Variants in RANBP2 observed in about 807,000 individuals in gnomAD.
RANBP2 encodes E3 SUMO-protein ligase RanBP2.
RANBP2 carries 57 observed loss-of-function variants against 303.6 expected under a neutral mutation model. That is an observed-to-expected ratio of 0.19 (90% CI 0.15 to 0.23). The LOEUF is 0.23. Among genes scored for constraint, RANBP2 ranks in the 10% least tolerant of loss-of-function variants. RANBP2 has a pLI of 1.00. For synonymous variants in RANBP2, 1,167 were observed against 1,301.5 expected (o/e 0.90, Z 2.23); for missense variants, 3,138 against 3,780.8 (o/e 0.83, Z 4.46).
intron 20 of RANBP2, 37 bp from the exon 21 acceptor site, chr2:108,771,664 A>C (rs1251130056): frequency 1.2e-6 from 2 of 1,606,630 alleles, no homozygotes; most frequent in East Asian, 4.5e-5. Context: ...AATACTTAAT[A>C]CCTTATCTTT....
At chr2:108,780,584 C>T (rs1223016824) in intron 25 of RANBP2, among the ~76,000 whole-genome samples, 1 of 150,586 alleles carries the variant, frequency 6.6e-6, no homozygotes, top group East Asian at 2.0e-4. Flanking sequence ...GGCTGGAGTG[C>T]AGTGGGGCAA....
the RANBP2 span, among the ~76,000 whole-genome samples, chr2:109,352,525 C>T: frequency 6.6e-6 from 1 of 152,202 alleles, no homozygotes; most frequent in Non-Finnish European, 1.5e-5. Flanking sequence ...ATTGGGATGA[C>T]TTTGGGGGCC....
the RANBP2 span, chr2:109,613,941 T>C: frequency 8.2e-7 from 1 of 1,216,610 alleles, no homozygotes; most frequent in Non-Finnish European, 1.0e-6. Context: ...GGCGCGAGGC[T>C]AGGCTGCCTC....
chr2:109,282,142 C>G, the RANBP2 span, among the ~76,000 whole-genome samples: 1 of 152,076 alleles, frequency 6.6e-6, no homozygotes, highest in African/African-American at 2.4e-5. Context: ...CCCTAAGGAG[C>G]AGTTTCTGAT....
the RANBP2 span, among the ~76,000 whole-genome samples, chr2:108,840,402 C>CT: frequency 2.6e-5 from 4 of 152,092 alleles, no homozygotes; most frequent in Non-Finnish European, 5.9e-5. Flanking sequence ...ATTATGTAGA[C>CT]TAAGTGTTCA....
chr2:108,985,655 T>G, the RANBP2 span, among the ~76,000 whole-genome samples: 1,078 of 152,336 alleles, frequency 7.1e-3, 9 homozygotes, highest in South Asian at 0.028. Context: ...TGCTCCTTCC[T>G]GGGGTCCAAA....
the RANBP2 span, among the ~76,000 whole-genome samples, chr2:109,321,109 A>G: frequency 6.6e-6 from 1 of 152,260 alleles, no homozygotes; most frequent in Admixed American, 6.5e-5. Flanking sequence ...AGTAGTATTC[A>G]TGGAAGAAAG....
At chr2:108,864,147 C>T in the RANBP2 span, among the ~76,000 whole-genome samples, 1 of 151,604 alleles carries the variant, frequency 6.6e-6, no homozygotes, top group South Asian at 2.1e-4. Flanking sequence ...TTGAGGAAAC[C>T]CATTCTCATA....
the RANBP2 span, chr2:109,794,580 C>CGGGGGGCGGCGGCGGCGGCGGCGGCGG: frequency 1.1e-6 from 1 of 899,516 alleles, no homozygotes; most frequent in African/African-American, 2.0e-5. Flanking sequence ...TCGACCCGGC[C>CGGGGGGCGGCGGCGGCGGCGGCGGCGG]GGGGGGCGGC....
the RANBP2 span, among the ~76,000 whole-genome samples, chr2:108,943,646 C>G: frequency 6.6e-6 from 1 of 152,192 alleles, no homozygotes; most frequent in African/African-American, 2.4e-5. Context: ...AGCGAAGACT[C>G]CGCGTATTTT....
the RANBP2 span, among the ~76,000 whole-genome samples, chr2:108,820,233 C>T: frequency 6.6e-6 from 1 of 152,038 alleles, no homozygotes; most frequent in Non-Finnish European, 1.5e-5. Flanking sequence ...CATGGTGCGA[C>T]CCCGTGCCTA....
At chr2:109,079,523 T>C in the RANBP2 span, among the ~76,000 whole-genome samples, 1 of 152,204 alleles carries the variant, frequency 6.6e-6, no homozygotes, top group African/African-American at 2.4e-5. Flanking sequence ...ACCTTAAATG[T>C]ATATACTTTC....
the RANBP2 span, among the ~76,000 whole-genome samples, chr2:109,493,762 A>G: frequency 6.6e-6 from 1 of 151,786 alleles, no homozygotes; most frequent in Non-Finnish European, 1.5e-5. Context: ...CTGCACACCA[A>G]ACATGCACTG....
the RANBP2 span, chr2:108,876,230 C>T: frequency 6.2e-7 from 1 of 1,612,038 alleles, no homozygotes. Context: ...ATGTAACTCC[C>T]TGGTCTCCAG....
At chr2:109,259,774 GC>G in the RANBP2 span, among the ~76,000 whole-genome samples, 1 of 152,186 alleles carries the variant, frequency 6.6e-6, no homozygotes, top group Admixed American at 6.5e-5. Flanking sequence ...TGTGGAGGGA[GC>G]TTTATTCAGA....
chr2:108,789,969 T>A (rs991345262), downstream of RANBP2, among the ~76,000 whole-genome samples: 1 of 152,226 alleles, frequency 6.6e-6, no homozygotes, highest in Non-Finnish European at 1.5e-5. Flanking sequence ...CATGAAATGT[T>A]GAAATAATTG....
chr2:109,508,776 A>G, the RANBP2 span, among the ~76,000 whole-genome samples: 1 of 152,132 alleles, frequency 6.6e-6, no homozygotes. Context: ...AAGTGCTCAG[A>G]CAGGGCACCC....
At chr2:109,147,354 C>T in the RANBP2 span, among the ~76,000 whole-genome samples, 7 of 152,150 alleles carry the variant, frequency 4.6e-5, no homozygotes, top group African/African-American at 1.4e-4. Flanking sequence ...ACTATCTCTG[C>T]GCTGATAAGC....
the RANBP2 span, among the ~76,000 whole-genome samples, chr2:109,415,126 T>G: frequency 3.0e-5 from 4 of 131,380 alleles, no homozygotes; most frequent in Non-Finnish European, 6.3e-5. Context: ...GTGGGCAGCC[T>G]CTAGAAGCTG....
Sources: gnomAD v4.1 joint callset for allele counts (sites outside exome capture counted in the v4.1 genomes callset) on GRCh38, gnomAD v4.1.1 for gene constraint, MANE v1.5 for transcripts, NCBI Gene and HGNC (gene_info 2026-07-23, HGNC 2026-07-21) for gene names.